PINX1: variants seen among roughly 807,000 people sequenced by gnomAD.
PINX1 encodes the protein PIN2/TERF1-interacting telomerase inhibitor 1.
A neutral mutation model predicts 25.4 loss-of-function variants in PINX1; 34 were observed. That is an observed-to-expected ratio of 1.34 (90% CI 1.02 to 1.78). The LOEUF is 1.78. PINX1 is among the 40% of genes most tolerant of loss of function. The pLI, the probability that PINX1 is intolerant of heterozygous loss-of-function variation, is 0.00. For missense variants in PINX1, 592 were observed against 404.9 expected (o/e 1.46, Z -3.97); for synonymous variants, 197 against 147.7 (o/e 1.33, Z -2.42).
intron 6 of PINX1, among the ~76,000 whole-genome samples, chr8:10,808,807 G>A (rs1304110501): frequency 1.3e-5 from 2 of 152,060 alleles, no homozygotes; most frequent in East Asian, 3.9e-4. Context: ...TGAATAAGTA[G>A]GAAGCATTTA....
At chr8:10,838,092 C>T (rs1290649113) in intron 1 of PINX1, among the ~76,000 whole-genome samples, 1 of 152,216 alleles carries the variant, frequency 6.6e-6, no homozygotes, top group Non-Finnish European at 1.5e-5. Context: ...CTTCCGTTTA[C>T]TGTCCATAAA....
At chr8:10,778,223 G>C (rs1414472366) in intron 6 of PINX1, among the ~76,000 whole-genome samples, 1 of 152,168 alleles carries the variant, frequency 6.6e-6, no homozygotes, top group Non-Finnish European at 1.5e-5. Flanking sequence ...ATGAACTCAT[G>C]AAAGTTCAGG....
intron 6 of PINX1, among the ~76,000 whole-genome samples, chr8:10,809,287 G>T (rs563833209): frequency 6.6e-6 from 1 of 152,156 alleles, no homozygotes; most frequent in Non-Finnish European, 1.5e-5. Context: ...CCAATAAAGA[G>T]AAAGAACAAA....
At chr8:10,807,327 A>ACCC (rs58400319) in intron 6 of PINX1, among the ~76,000 whole-genome samples, 1 of 32,086 alleles carries the variant, frequency 3.1e-5, no homozygotes, top group African/African-American at 1.1e-4. Flanking sequence ...TCCCCCCCCC[A>ACCC]CCCCCCCCCC....
At chr8:10,787,017 C>T (rs1801771107) in intron 6 of PINX1, among the ~76,000 whole-genome samples, 1 of 152,162 alleles carries the variant, frequency 6.6e-6, no homozygotes, top group Non-Finnish European at 1.5e-5. Flanking sequence ...GGGTAGGCAA[C>T]AAGTATTCTG....
At chr8:10,829,150 G>A (rs1276652253) in intron 4 of PINX1, among the ~76,000 whole-genome samples, 1 of 152,144 alleles carries the variant, frequency 6.6e-6, no homozygotes, top group East Asian at 1.9e-4. Context: ...GCCAGGCGTG[G>A]TGGTGTGCAC....
rs976983933 is a variant in PINX1 at position 10,788,564 on chromosome 8, C to CA, written c.472-22649dup. Among the ~76,000 whole-genome samples, 209 of 141,592 alleles carry CA rather than the reference C, an allele frequency of 1.5e-3. 1 individual carries two copies. The highest frequency in any genetic ancestry group is 2.6e-3 in the Admixed American group (37 of 14,122). The allele number at this position is 141,592 out of a possible 152,430, so 92.9% of individuals were successfully genotyped here. On this transcript the variant is annotated intron_variant, in intron 6 of 6. Transcript: ENST00000314787. ...TGGAAGACAGAGCAAGACACTGTCT[C>CA]AAAAAAAAAACAGGAAAAAAAAGTG...
intron 6 of PINX1, among the ~76,000 whole-genome samples, chr8:10,797,755 T>G (rs981390336): frequency 8.5e-5 from 13 of 152,220 alleles, no homozygotes; most frequent in African/African-American, 2.9e-4. Context: ...GAAAACAGCT[T>G]ATTTTCAGTC....
chr8:10,794,614 A>C (rs1237804746), intron 6 of PINX1, among the ~76,000 whole-genome samples: 1 of 152,034 alleles, frequency 6.6e-6, no homozygotes, highest in Non-Finnish European at 1.5e-5. Context: ...TTTAGTAGAG[A>C]CGGGGTTTCA....
intron 6 of PINX1, among the ~76,000 whole-genome samples, chr8:10,772,813 G>A (rs575955520): frequency 9.2e-5 from 14 of 152,320 alleles, no homozygotes; most frequent in African/African-American, 3.4e-4. Context: ...GTGCACATGT[G>A]AAACAGGTGT....
chr8:10,811,768 G>A (rs1797529155), intron 6 of PINX1, among the ~76,000 whole-genome samples: 1 of 152,104 alleles, frequency 6.6e-6, no homozygotes, highest in African/African-American at 2.4e-5. Flanking sequence ...CGGGGCAGCT[G>A]GACTATTTAC....
At chr8:10,821,409 G>A (rs1338458964) in intron 5 of PINX1, among the ~76,000 whole-genome samples, 1 of 152,250 alleles carries the variant, frequency 6.6e-6, no homozygotes, top group Non-Finnish European at 1.5e-5. Context: ...AAGTGGCCCA[G>A]GCGGTATGAC....
intron 1 of PINX1, among the ~76,000 whole-genome samples, chr8:10,838,860 C>G (rs556495727): frequency 6.0e-4 from 91 of 152,202 alleles, no homozygotes; most frequent in Admixed American, 2.6e-3. Flanking sequence ...CCTGTAAAAT[C>G]GGGATGGTGC....
chr8:10,768,786 T>C (rs952830125), intron 6 of PINX1, among the ~76,000 whole-genome samples: 1 of 152,258 alleles, frequency 6.6e-6, no homozygotes, highest in African/African-American at 2.4e-5. Flanking sequence ...TCAGTTTCAC[T>C]GCAGAGATTC....
At chr8:10,809,541 A>G (rs951437809) in intron 6 of PINX1, among the ~76,000 whole-genome samples, 1 of 152,218 alleles carries the variant, frequency 6.6e-6, no homozygotes. Context: ...CATCTCAAGC[A>G]CTATTCACAC....
At chr8:10,821,913 G>A (rs1329407504) in intron 5 of PINX1, 1 of 152,222 alleles carries the variant, frequency 6.6e-6, no homozygotes, top group African/African-American at 2.4e-5. Context: ...AAAACATGAT[G>A]TCAAAATGTG....
At chr8:10,822,598 T>G (rs2129086532) in intron 5 of PINX1, among the ~76,000 whole-genome samples, 1 of 152,316 alleles carries the variant, frequency 6.6e-6, no homozygotes, top group Non-Finnish European at 1.5e-5. Flanking sequence ...AGTTTCCCAG[T>G]CTATCAGAGT....
chr8:10,803,631 T>C (rs926779065), intron 6 of PINX1, among the ~76,000 whole-genome samples: 31 of 152,240 alleles, frequency 2.0e-4, no homozygotes, highest in African/African-American at 7.2e-4. Context: ...TGAAAAATAC[T>C]TCTAGAGATT....
chr8:10,826,265 A>T, intron 4 of PINX1, 21 bp from the exon 5 acceptor site: 4 of 1,349,834 alleles, frequency 3.0e-6, no homozygotes, highest in Non-Finnish European at 4.2e-6. Context: ...GATGAAAAAA[A>T]TACATTAAAG....
Sources: gnomAD v4.1 joint callset for allele counts (sites outside exome capture counted in the v4.1 genomes callset) on GRCh38, gnomAD v4.1.1 for gene constraint, MANE v1.5 for transcripts, NCBI Gene and HGNC (gene_info 2026-07-23, HGNC 2026-07-21) for gene names.